The following SYNJ2 variants were observed in gnomAD, a reference collection of about 807,000 sequenced individuals.
SYNJ2 encodes polyphosphatidylinositol phosphatase SYNJ2.
SYNJ2 carries 116 observed loss-of-function variants against 141.3 expected under a neutral mutation model. That is an observed-to-expected ratio of 0.82 (90% CI 0.71 to 0.96). SYNJ2 has a LOEUF of 0.96. Ranked by LOEUF, SYNJ2 falls within the 40% of genes least tolerant of loss-of-function variation. SYNJ2 has a pLI of 0.00. For missense variants in SYNJ2, 1,873 were observed against 1,934.8 expected (o/e 0.97, Z 0.60); for synonymous variants, 745 against 777.7 (o/e 0.96, Z 0.70).
intron 1 of SYNJ2, among the ~76,000 whole-genome samples, chr6:158,012,128 G>A (rs1443514846): frequency 5.9e-5 from 9 of 152,194 alleles, no homozygotes; most frequent in African/African-American, 2.2e-4. Flanking sequence ...GAGTCCGAGT[G>A]TCTCACCAGT....
intron 1 of SYNJ2, among the ~76,000 whole-genome samples, chr6:158,005,418 C>G (rs1338146752): frequency 6.6e-6 from 1 of 152,136 alleles, no homozygotes; most frequent in Non-Finnish European, 1.5e-5. Flanking sequence ...ACCCTTAGAA[C>G]CCATGGCCTT....
intron 1 of SYNJ2, among the ~76,000 whole-genome samples, chr6:158,003,472 G>A (rs533766297): frequency 1.7e-4 from 26 of 152,238 alleles, no homozygotes; most frequent in Admixed American, 1.2e-3. Context: ...ACTGAGCTCC[G>A]AATTAACACA....
In SYNJ2 at chr6:157,991,536, C is replaced by T. The variant is rs530103427; in HGVS notation, c.127+9448C>T. Among the ~76,000 whole-genome samples the T allele has an allele frequency of 9.8e-5, 15 of 152,308 alleles. No individual in the cohort carries two copies. In the South Asian group the frequency reaches 3.1e-3, roughly 32 times the overall value. ...CAGTGGGGGAATTTAGTTAATTGCT[C>T]CGGGCCCCAATATCTTAATCTGAAA... On this transcript the variant is annotated intron_variant, in intron 1 of 26. Transcript: ENST00000355585.
chr6:158,006,873 A>G (rs897216140), intron 1 of SYNJ2, among the ~76,000 whole-genome samples: 2 of 125,234 alleles, frequency 1.6e-5, no homozygotes, highest in African/African-American at 3.2e-5. Flanking sequence ...GGGTTTCACC[A>G]TGCTGGCCAG....
At chr6:158,033,071 A>G (rs1031353835) in intron 3 of SYNJ2, among the ~76,000 whole-genome samples, 9 of 152,186 alleles carry the variant, frequency 5.9e-5, no homozygotes, top group Admixed American at 5.2e-4. Context: ...TTTTTTACCA[A>G]TGGGGCCTGC....
At chr6:158,006,733 T>C (rs1778085182) in intron 1 of SYNJ2, among the ~76,000 whole-genome samples, 1 of 152,084 alleles carries the variant, frequency 6.6e-6, no homozygotes, top group Admixed American at 6.6e-5. Flanking sequence ...AGTGCAGTGG[T>C]GCGATCTCGG....
intron 21 of SYNJ2, 97 bp downstream of exon 21, chr6:158,083,694 C>A: frequency 6.7e-7 from 1 of 1,492,322 alleles, no homozygotes; most frequent in Non-Finnish European, 9.2e-7. Context: ...GCAGAAGTGA[C>A]GGAGGACACC....
In SYNJ2 at chr6:158,021,284, A is replaced by G. The variant is rs117349772; in HGVS notation, c.214+3994A>G. Among the ~76,000 whole-genome samples, 1,161 of 152,254 alleles carry G rather than the reference A, an allele frequency of 7.6e-3. 7 individuals are homozygous for G. The highest frequency in any genetic ancestry group is 0.01 in the Non-Finnish European group (684 of 67,998). On this transcript the variant is annotated intron_variant, in intron 2 of 26. Transcript: ENST00000355585. ...ATTCTCTAGCAGACAGCCCTCCTAGATTCTAGTTCCCACTTCACAGCTGAA... is the reference window on the plus strand; with the variant it reads ...ATTCTCTAGCAGACAGCCCTCCTAGGTTCTAGTTCCCACTTCACAGCTGAA...
At chr6:158,038,740 A>T (rs2128341564) in intron 4 of SYNJ2, among the ~76,000 whole-genome samples, 1 of 152,318 alleles carries the variant, frequency 6.6e-6, no homozygotes, top group African/African-American at 2.4e-5. Context: ...GGAGTGGGGC[A>T]GGTGAAGCTG....
chr6:158,080,736 C>T (rs1363680077), intron 18 of SYNJ2, among the ~76,000 whole-genome samples: 1 of 152,176 alleles, frequency 6.6e-6, no homozygotes, highest in African/African-American at 2.4e-5. Flanking sequence ...CTTGGTGGTA[C>T]TGAGGATTAC....
intron 21 of SYNJ2, 84 bp downstream of exon 21, chr6:158,083,681 C>A: frequency 6.4e-7 from 1 of 1,558,970 alleles, no homozygotes; most frequent in South Asian, 1.1e-5. Flanking sequence ...TAAAGCCTCC[C>A]TTGCAGAAGT....
chr6:158,012,787 C>G (rs979842394), intron 1 of SYNJ2, among the ~76,000 whole-genome samples: 1 of 152,248 alleles, frequency 6.6e-6, no homozygotes, highest in Admixed American at 6.5e-5. Context: ...TCTAAGTGAT[C>G]CTGAGAACCT....
chr6:158,004,173 G>A (rs902077746), intron 1 of SYNJ2, among the ~76,000 whole-genome samples: 5 of 152,112 alleles, frequency 3.3e-5, no homozygotes, highest in Admixed American at 1.3e-4. Flanking sequence ...GAACCAGAGC[G>A]ACTCCATCTT....
chr6:158,021,348 A>T (rs1385045298), intron 2 of SYNJ2, among the ~76,000 whole-genome samples: 1 of 152,144 alleles, frequency 6.6e-6, no homozygotes, highest in Non-Finnish European at 1.5e-5. Context: ...CCTGTCTGTA[A>T]ACCTGGGAAA....
intron 5 of SYNJ2, among the ~76,000 whole-genome samples, chr6:158,049,281 GAC>G (rs1203725100): frequency 6.6e-6 from 1 of 152,138 alleles, no homozygotes; most frequent in Non-Finnish European, 1.5e-5. Flanking sequence ...AAAATGCAGT[GAC>G]AGTGGTGGAC....
In SYNJ2 at chr6:158,074,576, T is replaced by C; in HGVS notation, c.2134-4T>C. 1 of 1,610,724 alleles carries C rather than the reference T, an allele frequency of 6.2e-7. No individual in the cohort carries two copies. Among genetic ancestry groups the C allele is most frequent in the South Asian group, 1.1e-5 (1 of 90,056 alleles). On this transcript the variant is annotated splice_polypyrimidine_tract_variant and splice_region_variant and intron_variant, in intron 15 of 26. Coordinates refer to ENST00000355585, the MANE Select transcript of SYNJ2 (RefSeq NM_003898.4). ...GAATGATTATGATTTTCTTTTCAAC[T>C]TAGGGGAGAAATGTTTTTTCTCATG...
chr6:158,015,958 C>G (rs1583319974), intron 1 of SYNJ2, among the ~76,000 whole-genome samples: 1 of 152,164 alleles, frequency 6.6e-6, no homozygotes, highest in African/African-American at 2.4e-5. Flanking sequence ...ACCACCATCA[C>G]CATAATCTAA....
At chr6:158,002,547 A>G (rs1269304773) in intron 1 of SYNJ2, among the ~76,000 whole-genome samples, 1 of 152,250 alleles carries the variant, frequency 6.6e-6, no homozygotes, top group East Asian at 1.9e-4. Context: ...CTGCAGCCGC[A>G]GGACCTAATT....
chr6:157,985,834 C>T (rs1312928417), intron 1 of SYNJ2, among the ~76,000 whole-genome samples: 1 of 152,104 alleles, frequency 6.6e-6, no homozygotes, highest in African/African-American at 2.4e-5. Context: ...AGGGATGGGG[C>T]AGGAGACTTG....
Sources: allele counts gnomAD v4.1 joint callset (sites outside exome capture counted in the v4.1 genomes callset), GRCh38; gene constraint gnomAD v4.1.1; transcripts MANE v1.5; gene names NCBI Gene and HGNC (gene_info 2026-07-23, HGNC 2026-07-21).